The following CACNG3 variants were observed in gnomAD, a reference collection of about 807,000 sequenced individuals.
CACNG3 encodes the protein voltage-dependent calcium channel gamma-3 subunit.
A neutral mutation model predicts 28.5 loss-of-function variants in CACNG3; 3 were observed. The observed-to-expected ratio is 0.11, with a 90% confidence interval of 0.05 to 0.27. CACNG3 has a LOEUF of 0.27. Among genes scored for constraint, CACNG3 ranks in the 10% least tolerant of loss-of-function variants. The probability of loss-of-function intolerance (pLI) is 1.00; values close to 1 mark genes in which losing one functional copy is unlikely to be tolerated. For missense variants in CACNG3, 236 were observed against 414.4 expected (o/e 0.57, Z 3.74); for synonymous variants, 174 against 162.2 (o/e 1.07, Z -0.55).
At chr16:24,324,147 C>T (rs977297176) in intron 1 of CACNG3, among the ~76,000 whole-genome samples, 6 of 152,162 alleles carry the variant, frequency 3.9e-5, no homozygotes, top group African/African-American at 1.4e-4. Flanking sequence ...TAGAAAGACA[C>T]TGCCATCCCT....
chr16:24,321,212 G>A (rs1476199870), intron 1 of CACNG3, among the ~76,000 whole-genome samples: 1 of 152,160 alleles, frequency 6.6e-6, no homozygotes, highest in African/African-American at 2.4e-5. Context: ...ACGCCTTTGT[G>A]TAATCCCAGC....
chr16:24,257,010 A>T, intron 1 of CACNG3, 45 bp downstream of exon 1: 1 of 1,203,668 alleles, frequency 8.3e-7, no homozygotes, highest in Non-Finnish European at 1.2e-6. Context: ...TCCAGTTCTG[A>T]TATTCTGGTG....
intron 1 of CACNG3, among the ~76,000 whole-genome samples, chr16:24,268,800 C>A (rs1334371960): frequency 6.6e-6 from 1 of 152,196 alleles, no homozygotes; most frequent in Non-Finnish European, 1.5e-5. Flanking sequence ...GCATCAGGTC[C>A]ATGGCTGTTC....
At chr16:24,359,296 A>C (rs1900075958) in intron 3 of CACNG3, among the ~76,000 whole-genome samples, 1 of 152,116 alleles carries the variant, frequency 6.6e-6, no homozygotes, top group Non-Finnish European at 1.5e-5. Flanking sequence ...TGTTCATTTT[A>C]ATATAAAAGA....
chr16:24,347,154 C>CA (rs1403164298), intron 2 of CACNG3, among the ~76,000 whole-genome samples: 1 of 152,040 alleles, frequency 6.6e-6, no homozygotes, highest in African/African-American at 2.4e-5. Context: ...CCCATCTCTA[C>CA]AAAAAATTAA....
intron 1 of CACNG3, among the ~76,000 whole-genome samples, chr16:24,317,660 G>GGA (rs1899393186): frequency 8.9e-5 from 7 of 78,368 alleles, no homozygotes; most frequent in African/African-American, 3.7e-4. Context: ...AAGAAAGAAA[G>GGA]AAAGAAAGAA....
intron 1 of CACNG3, among the ~76,000 whole-genome samples, chr16:24,259,922 T>C (rs770400861): frequency 6.6e-6 from 1 of 152,190 alleles, no homozygotes; most frequent in Non-Finnish European, 1.5e-5. Flanking sequence ...CACAACTAGA[T>C]TCCCTGCTTC....
At chr16:24,286,589 T>A (rs1341491770) in intron 1 of CACNG3, among the ~76,000 whole-genome samples, 1 of 152,202 alleles carries the variant, frequency 6.6e-6, no homozygotes, top group Non-Finnish European at 1.5e-5. Context: ...AGGACACTGC[T>A]CTGAGAACGC....
chr16:24,300,906 G>A (rs530789936), intron 1 of CACNG3, among the ~76,000 whole-genome samples: 32 of 152,136 alleles, frequency 2.1e-4, no homozygotes, highest in East Asian at 5.8e-4. Context: ...AAAATTAGCC[G>A]GATGTGGTGG....
intron 1 of CACNG3, among the ~76,000 whole-genome samples, chr16:24,268,721 G>A (rs1567207016): frequency 6.6e-6 from 1 of 152,236 alleles, no homozygotes; most frequent in African/African-American, 2.4e-5. Flanking sequence ...ATGGGATGCA[G>A]GTGAACAAAT....
At chr16:24,332,001 T>A (rs955869340) in intron 1 of CACNG3, among the ~76,000 whole-genome samples, 1 of 152,224 alleles carries the variant, frequency 6.6e-6, no homozygotes, top group Non-Finnish European at 1.5e-5. Context: ...AATTATCTTT[T>A]CCTTTTTAGT....
chr16:24,299,523 A>G (rs1233304819), intron 1 of CACNG3, among the ~76,000 whole-genome samples: 1 of 152,216 alleles, frequency 6.6e-6, no homozygotes, highest in Non-Finnish European at 1.5e-5. Context: ...AGAAACCAAG[A>G]TCTGAGTGCT....
chr16:24,265,290 GGAAGGAAGGAAGGAAAAAGA>G (rs1237852873), intron 1 of CACNG3, among the ~76,000 whole-genome samples: 2 of 139,104 alleles, frequency 1.4e-5, no homozygotes, highest in Admixed American at 1.6e-4. Flanking sequence ...AAGGAAGGGA[GGAAGGAAGGAAGGAAAAAGA>G]GAAGGAAGGA....
At chr16:24,355,007 A>C (rs1287490433) in intron 3 of CACNG3, 34 bp downstream of exon 3, 2 of 1,599,508 alleles carry the variant, frequency 1.3e-6, no homozygotes, top group South Asian at 2.2e-5. Context: ...AGATCTTCAC[A>C]GATACCAAAC....
chr16:24,329,772 C>A (rs575130172), intron 1 of CACNG3, among the ~76,000 whole-genome samples: 5 of 152,268 alleles, frequency 3.3e-5, no homozygotes, highest in African/African-American at 1.2e-4. Flanking sequence ...CAGTGGCTCA[C>A]GCCTGTAATC....
At chr16:24,323,781 T>C (rs1375020259) in intron 1 of CACNG3, among the ~76,000 whole-genome samples, 1 of 152,202 alleles carries the variant, frequency 6.6e-6, no homozygotes, top group Non-Finnish European at 1.5e-5. Context: ...CAGATGTCCT[T>C]CTTTTTGAGG....
intron 1 of CACNG3, among the ~76,000 whole-genome samples, chr16:24,260,769 GA>G (rs1898526169): frequency 6.6e-6 from 1 of 152,216 alleles, no homozygotes; most frequent in East Asian, 1.9e-4. Flanking sequence ...TGCATGGAGA[GA>G]CAATTGACCT....
intron 2 of CACNG3, among the ~76,000 whole-genome samples, chr16:24,350,771 A>T (rs1189167894): frequency 6.6e-6 from 1 of 152,202 alleles, no homozygotes; most frequent in Non-Finnish European, 1.5e-5. Context: ...GTCAATATAC[A>T]ATGCAAATGA....
intron 2 of CACNG3, among the ~76,000 whole-genome samples, chr16:24,351,682 G>GA (rs1379082388): frequency 2.8e-4 from 40 of 143,038 alleles, no homozygotes; most frequent in African/African-American, 6.9e-4. Flanking sequence ...AAGAAAGAAA[G>GA]AAGGAAAGAA....
Sources: allele counts gnomAD v4.1 joint callset (sites outside exome capture counted in the v4.1 genomes callset), GRCh38; gene constraint gnomAD v4.1.1; transcripts MANE v1.5; gene names NCBI Gene and HGNC (gene_info 2026-07-23, HGNC 2026-07-21).